The following PDE4B variants were observed in gnomAD, a reference collection of about 807,000 sequenced individuals.
PDE4B encodes the protein phosphodiesterase 4B.
PDE4B carries 20 observed loss-of-function variants against 82.2 expected under a neutral mutation model. The ratio of observed to expected loss-of-function variants is 0.24; its 90% CI spans 0.17 to 0.35. The LOEUF (loss-of-function observed/expected upper bound fraction) is 0.35, where lower values mean the gene tolerates loss of function less well. PDE4B is among the 10% of genes least tolerant of loss of function. PDE4B has a pLI of 1.00. For missense variants in PDE4B, 655 were observed against 907.2 expected, an observed-to-expected ratio of 0.72 and a Z score of 3.57; for synonymous variants, 320 against 318.9, an observed-to-expected ratio of 1.00 and a Z score of -0.04.
intron 3 of PDE4B, among the ~76,000 whole-genome samples, chr1:66,137,614 C>T (rs1646084730): frequency 6.6e-6 from 1 of 152,216 alleles, no homozygotes; most frequent in Admixed American, 6.5e-5. Context: ...CTTGAGGCTA[C>T]CCTAGTGGCT....
intron 1 of PDE4B, among the ~76,000 whole-genome samples, chr1:65,833,545 G>T (rs79623659): frequency 6.6e-6 from 1 of 152,216 alleles, no homozygotes; most frequent in African/African-American, 2.4e-5. Context: ...CACAGGAAGT[G>T]TTAAAGCACC....
At chr1:65,976,881 C>A (rs1003711095) in intron 3 of PDE4B, among the ~76,000 whole-genome samples, 3 of 152,178 alleles carry the variant, frequency 2.0e-5, no homozygotes, top group African/African-American at 7.2e-5. Flanking sequence ...TCATAAATTA[C>A]TCAGTCTTAG....
chr1:66,326,059 T>A (rs942851806), intron 7 of PDE4B, among the ~76,000 whole-genome samples: 8 of 152,212 alleles, frequency 5.3e-5, no homozygotes, highest in African/African-American at 1.4e-4. Flanking sequence ...CTGGTCTATG[T>A]CACATTAAAA....
At chr1:66,167,804 A>T (rs1646764370) in intron 3 of PDE4B, among the ~76,000 whole-genome samples, 1 of 152,144 alleles carries the variant, frequency 6.6e-6, no homozygotes, top group Non-Finnish European at 1.5e-5. Flanking sequence ...GTCATCTTTA[A>T]AATTCTCCTT....
At chr1:66,265,957 T>G (rs1429858657) in intron 6 of PDE4B, 81 bp from the exon 7 acceptor site, 2 of 1,005,910 alleles carry the variant, frequency 2.0e-6, no homozygotes, top group African/African-American at 1.6e-5. Flanking sequence ...AAGTCCTCAG[T>G]AACCATGAGG....
chr1:66,184,988 C>G (rs547858657), intron 3 of PDE4B, among the ~76,000 whole-genome samples: 2 of 152,220 alleles, frequency 1.3e-5, no homozygotes, highest in East Asian at 1.9e-4. Flanking sequence ...ATCCCTCCCC[C>G]CTCCTCCCAC....
chr1:65,875,731 C>T (rs1646632506), intron 1 of PDE4B, among the ~76,000 whole-genome samples: 2 of 142,520 alleles, frequency 1.4e-5, no homozygotes, highest in African/African-American at 2.6e-5. Context: ...TATTCTCACT[C>T]ATAGGTGGGA....
chr1:65,900,073 T>C (rs969541403), intron 1 of PDE4B, among the ~76,000 whole-genome samples: 6 of 152,128 alleles, frequency 3.9e-5, no homozygotes, highest in African/African-American at 1.4e-4. Flanking sequence ...GATTTTCTTC[T>C]AGGATTTTTA....
chr1:66,086,137 G>GA (rs11394476), intron 3 of PDE4B, among the ~76,000 whole-genome samples: 35,658 of 151,746 alleles, frequency 0.23, 4,874 homozygotes, highest in Middle Eastern at 0.37. Flanking sequence ...ACTCCGATGG[G>GA]AAAAAAGTGG....
chr1:65,796,650 T>C (rs1210099884), intron 1 of PDE4B, among the ~76,000 whole-genome samples: 1 of 141,938 alleles, frequency 7.0e-6, no homozygotes, highest in African/African-American at 2.6e-5. Flanking sequence ...CTGAAACTTT[T>C]TTTTTTTTTT....
chr1:65,801,255 G>T (rs1223195755), intron 1 of PDE4B, among the ~76,000 whole-genome samples: 2 of 152,080 alleles, frequency 1.3e-5, no homozygotes, highest in African/African-American at 4.8e-5. Context: ...ATCCTCGGTG[G>T]CATTTTCAAG....
intron 3 of PDE4B, among the ~76,000 whole-genome samples, chr1:66,031,854 A>G (rs1428279275): frequency 6.6e-6 from 1 of 152,192 alleles, no homozygotes; most frequent in Admixed American, 6.5e-5. Context: ...AACTGTGTTT[A>G]AGTGGAGCTG....
intron 3 of PDE4B, among the ~76,000 whole-genome samples, chr1:66,216,781 A>C (rs1024179711): frequency 1.3e-5 from 2 of 152,148 alleles, no homozygotes; most frequent in Non-Finnish European, 2.9e-5. Context: ...CGTTTCAGGC[A>C]CAGGGAAGGG....
intron 3 of PDE4B, among the ~76,000 whole-genome samples, chr1:65,965,424 A>G (rs1424934911): frequency 6.6e-6 from 1 of 152,146 alleles, no homozygotes; most frequent in Admixed American, 6.6e-5. Flanking sequence ...TCCTCAGAAT[A>G]AAAATTAAGT....
intron 3 of PDE4B, among the ~76,000 whole-genome samples, chr1:65,953,754 CAT>C (rs1017519335): frequency 6.6e-6 from 1 of 151,884 alleles, no homozygotes; most frequent in African/African-American, 2.4e-5. Context: ...AAAATGTGTA[CAT>C]ATGTTTTTAT....
chr1:66,287,515 C>T (rs773614382), intron 7 of PDE4B, among the ~76,000 whole-genome samples: 4 of 152,146 alleles, frequency 2.6e-5, no homozygotes, highest in Admixed American at 6.6e-5. Context: ...AGGAATCACA[C>T]CTGCTTTAAA....
chr1:65,890,323 G>C (rs1646839627), intron 1 of PDE4B, among the ~76,000 whole-genome samples: 1 of 151,974 alleles, frequency 6.6e-6, no homozygotes, highest in Non-Finnish European at 1.5e-5. Flanking sequence ...GAGCACATCA[G>C]GTTTCATGTT....
intron 8 of PDE4B, among the ~76,000 whole-genome samples, chr1:66,339,584 T>A (rs948995386): frequency 3.9e-5 from 6 of 152,210 alleles, no homozygotes; most frequent in African/African-American, 1.4e-4. Flanking sequence ...TGCCTTTGAT[T>A]GTTTTACCTC....
chr1:66,210,285 A>G (rs1254910133), intron 3 of PDE4B, among the ~76,000 whole-genome samples: 2 of 152,152 alleles, frequency 1.3e-5, no homozygotes, highest in Non-Finnish European at 2.9e-5. Flanking sequence ...ACTGAAACCA[A>G]TCCTGGCTCC....
Sources: allele counts gnomAD v4.1 joint callset (sites outside exome capture counted in the v4.1 genomes callset), GRCh38; gene constraint gnomAD v4.1.1; transcripts MANE v1.5; gene names NCBI Gene and HGNC (gene_info 2026-07-23, HGNC 2026-07-21).